Variants in CSMD1 observed in about 807,000 individuals in gnomAD.
The protein encoded by CSMD1 is CUB and sushi domain-containing protein 1.
In CSMD1, 213 loss-of-function variants were observed where a neutral mutation model predicts 417.5. That is an observed-to-expected ratio of 0.51 (90% CI 0.46 to 0.57). CSMD1 has a LOEUF of 0.57. CSMD1 is among the 20% of genes least tolerant of loss of function. The pLI is 0.00. For missense variants in CSMD1, 6,923 were observed against 4,529.7 expected (o/e 1.53, Z -15.17); for synonymous variants, 2,862 against 1,736.8 (o/e 1.65, Z -16.11).
chr8:3,456,873 G>C (rs1030257356), intron 12 of CSMD1, among the ~76,000 whole-genome samples: 5 of 152,072 alleles, frequency 3.3e-5, no homozygotes, highest in Non-Finnish European at 7.4e-5. Flanking sequence ...TCTTGGCTAA[G>C]CTCTAGCACT....
At chr8:4,693,168 A>T (rs1806887020) in intron 1 of CSMD1, among the ~76,000 whole-genome samples, 1 of 152,124 alleles carries the variant, frequency 6.6e-6, no homozygotes, top group Non-Finnish European at 1.5e-5. Context: ...TTAATTCCTT[A>T]ATTTGGCCAG....
chr8:4,234,741 G>C (rs751402556), intron 3 of CSMD1, among the ~76,000 whole-genome samples: 17 of 152,132 alleles, frequency 1.1e-4, no homozygotes, highest in East Asian at 3.9e-4. Context: ...CTGAAAACTG[G>C]AGTCGTGGCT....
At chr8:4,993,028 C>A (rs1392644527) in intron 1 of CSMD1, among the ~76,000 whole-genome samples, 19 of 152,208 alleles carry the variant, frequency 1.2e-4, no homozygotes, top group Non-Finnish European at 1.3e-4. Context: ...CGTCTCTCCC[C>A]CGCTCTCCAG....
intron 6 of CSMD1, among the ~76,000 whole-genome samples, chr8:3,727,890 G>A (rs1022983210): frequency 7.9e-5 from 12 of 151,992 alleles, no homozygotes; most frequent in Admixed American, 5.9e-4. Flanking sequence ...TGATTTCATC[G>A]ATAATTAGAT....
chr8:4,153,577 C>T (rs973397019), intron 3 of CSMD1, among the ~76,000 whole-genome samples: 9 of 152,238 alleles, frequency 5.9e-5, no homozygotes, highest in Non-Finnish European at 4.4e-5. Context: ...GGAAATGCTG[C>T]ATTCCGTCAC....
intron 5 of CSMD1, among the ~76,000 whole-genome samples, chr8:3,965,744 A>C (rs915641087): frequency 2.6e-5 from 4 of 151,998 alleles, no homozygotes; most frequent in African/African-American, 9.7e-5. Context: ...CAGCCTCCCG[A>C]GTAGCTGGGA....
intron 3 of CSMD1, among the ~76,000 whole-genome samples, chr8:4,134,462 G>T (rs900625178): frequency 6.6e-6 from 1 of 152,122 alleles, no homozygotes; most frequent in Non-Finnish European, 1.5e-5. Flanking sequence ...AAGACCTGAG[G>T]AGATACCAAA....
chr8:4,067,048 G>A (rs573215844), intron 3 of CSMD1, among the ~76,000 whole-genome samples: 1 of 152,378 alleles, frequency 6.6e-6, no homozygotes, highest in South Asian at 2.1e-4. Flanking sequence ...AAAATCAAGT[G>A]TTGCCACATG....
chr8:3,133,300 T>G (rs1333308274), intron 41 of CSMD1, among the ~76,000 whole-genome samples: 6 of 152,188 alleles, frequency 3.9e-5, no homozygotes, highest in Admixed American at 2.0e-4. Context: ...CTCACTGCTC[T>G]CTCAACAGGA....
At chr8:4,029,227 G>A (rs1347956508) in intron 4 of CSMD1, among the ~76,000 whole-genome samples, 2 of 152,206 alleles carry the variant, frequency 1.3e-5, no homozygotes, top group African/African-American at 4.8e-5. Flanking sequence ...AGAAATCCAT[G>A]AAGACTGAAA....
intron 5 of CSMD1, among the ~76,000 whole-genome samples, chr8:3,899,532 G>C (rs755300768): frequency 3.7e-4 from 57 of 152,156 alleles, no homozygotes; most frequent in Non-Finnish European, 3.4e-4. Flanking sequence ...TAAGGAAGTG[G>C]AAAAACATCT....
At chr8:4,446,382 C>G (rs1289717124) in intron 2 of CSMD1, among the ~76,000 whole-genome samples, 3 of 152,008 alleles carry the variant, frequency 2.0e-5, no homozygotes, top group African/African-American at 7.2e-5. Context: ...ACCCCAACTC[C>G]ATAAAAACAA....
In CSMD1 at chr8:3,598,018, A is replaced by G. The variant is rs565496443; in HGVS notation, c.1098-11758T>C. ...TTTTCTTTGTATATCTCCTCTCTTT[A>G]TCATTTGCCCTACTTCAGCCCAATA... On this transcript the variant is annotated intron_variant, in intron 8 of 69. Transcript: ENST00000635120. Among the ~76,000 whole-genome samples, 34 of 152,304 alleles carry G rather than the reference A, an allele frequency of 2.2e-4. 1 individual carries two copies. In the South Asian group the frequency reaches 7.0e-3, roughly 32 times the overall value.
At chr8:4,205,247 T>C (rs1799908637) in intron 3 of CSMD1, among the ~76,000 whole-genome samples, 1 of 152,224 alleles carries the variant, frequency 6.6e-6, no homozygotes. Context: ...ATCACCTACA[T>C]TATATCATAT....
chr8:4,200,024 T>C (rs1345848322), intron 3 of CSMD1, among the ~76,000 whole-genome samples: 2 of 152,220 alleles, frequency 1.3e-5, no homozygotes, highest in African/African-American at 4.8e-5. Context: ...TTGAAAATTA[T>C]GTTGAGGTGC....
chr8:4,375,936 G>C (rs1802704209), intron 3 of CSMD1, among the ~76,000 whole-genome samples: 1 of 152,154 alleles, frequency 6.6e-6, no homozygotes, highest in South Asian at 2.1e-4. Context: ...TAGATGTGCA[G>C]AGAGTTTCCT....
rs1238253779 is a variant in CSMD1, at chr8:4,023,774, TTTTTTTTTTTG to T, written c.610+8120_610+8130del. ...GCTAATTTTTTTTTTTTTTTTTTTTTTTTTTTTTTTGTGTGTGTATTTTTAGTAGAGACGGG... is the reference window on the plus strand; with the variant it reads ...GCTAATTTTTTTTTTTTTTTTTTTTTTGTGTGTATTTTTAGTAGAGACGGG... On this transcript the variant is annotated intron_variant, in intron 4 of 69. Transcript: ENST00000635120. 1.0e-3 allele frequency among the ~76,000 whole-genome samples: 121 copies of T among 117,994 alleles called. 1 individual carries two copies. In the East Asian group the frequency reaches 0.017, roughly 16 times the overall value. The allele number at this position is 117,994 out of a possible 152,430, so 77.4% of individuals were successfully genotyped here. A position where few individuals can be genotyped will look rare whatever the true frequency, so the allele number is the denominator to read the frequency against.
At chr8:4,641,882 G>A (rs1342212068) in intron 1 of CSMD1, among the ~76,000 whole-genome samples, 1 of 152,116 alleles carries the variant, frequency 6.6e-6, no homozygotes, top group Admixed American at 6.5e-5. Flanking sequence ...AGTAGCAATT[G>A]GAAACATAAA....
At chr8:4,837,424 G>T (rs7002428) in intron 1 of CSMD1, among the ~76,000 whole-genome samples, 1 of 152,132 alleles carries the variant, frequency 6.6e-6, no homozygotes, top group Non-Finnish European at 1.5e-5. Flanking sequence ...AAAAGAATGA[G>T]ATTCTATCAT....
Sources: allele counts gnomAD v4.1 joint callset (sites outside exome capture counted in the v4.1 genomes callset), GRCh38; gene constraint gnomAD v4.1.1; transcripts MANE v1.5; gene names NCBI Gene and HGNC (gene_info 2026-07-23, HGNC 2026-07-21).